Variants in BCAT1 observed in about 807,000 individuals in gnomAD.
BCAT1 encodes branched-chain-amino-acid aminotransferase, cytosolic.
Under a neutral mutation model 52.4 loss-of-function variants are expected in BCAT1, and 48 were observed. That is an observed-to-expected ratio of 0.92 (90% confidence interval 0.73 to 1.16). BCAT1 has a LOEUF of 1.16. Ranked by LOEUF, BCAT1 falls within the 50% of genes most tolerant of loss-of-function variation. BCAT1 has a pLI of 0.00. For missense variants in BCAT1, 451 were observed against 457.1 expected (o/e 0.99, Z 0.12); for synonymous variants, 167 against 161.3 (o/e 1.04, Z -0.27).
chr12:24,928,331 C>T (rs1943624953), intron 1 of BCAT1, among the ~76,000 whole-genome samples: 1 of 152,144 alleles, frequency 6.6e-6, no homozygotes, highest in African/African-American at 2.4e-5. Context: ...ACCTAACTCA[C>T]ACCAGTTGGC....
At position 24,857,612 on chromosome 12, in the gene BCAT1, T is replaced by C. The variant is rs187376021; in HGVS notation, c.511-7663A>G. ...TCTTGATGCCCACATTGAGAGGACCTAAGATCATTTCTAACAGCCTGGGCT... is the reference window on the plus strand; with the variant it reads ...TCTTGATGCCCACATTGAGAGGACCCAAGATCATTTCTAACAGCCTGGGCT... On this transcript the variant is annotated intron_variant, in intron 5 of 10. Coordinates refer to ENST00000261192, the MANE Select transcript of BCAT1 (RefSeq NM_005504.7). Among the ~76,000 whole-genome samples, 415 of 152,330 alleles carry C rather than the reference T, an allele frequency of 2.7e-3. 2 individuals are homozygous for C. Among genetic ancestry groups the C allele is most frequent in the African/African-American group, 9.6e-3 (401 of 41,572 alleles).
chr12:24,908,673 G>A (rs971988588), intron 1 of BCAT1, among the ~76,000 whole-genome samples: 6 of 152,182 alleles, frequency 3.9e-5, no homozygotes, highest in African/African-American at 1.2e-4. Context: ...CCCAGGAGGT[G>A]GAGGTTGCAG....
chr12:24,831,378 G>T (rs558410322), intron 9 of BCAT1, among the ~76,000 whole-genome samples: 10 of 152,288 alleles, frequency 6.6e-5, no homozygotes, highest in African/African-American at 1.9e-4. Flanking sequence ...GCCGGGCATG[G>T]TGACTCACGC....
chr12:24,893,255 C>T (rs764270467), intron 3 of BCAT1, among the ~76,000 whole-genome samples: 5 of 152,190 alleles, frequency 3.3e-5, no homozygotes, highest in Admixed American at 6.5e-5. Flanking sequence ...TTATTGCTAA[C>T]AACTGGGCTC....
intron 1 of BCAT1, among the ~76,000 whole-genome samples, chr12:24,947,755 A>G (rs1368078912): frequency 6.6e-6 from 1 of 152,260 alleles, no homozygotes; most frequent in Non-Finnish European, 1.5e-5. Flanking sequence ...AAGCTGGAAA[A>G]GCAAGACTGT....
intron 9 of BCAT1, 141 bp from the exon 10 acceptor site, chr12:24,830,038 G>A: frequency 1.9e-6 from 1 of 530,148 alleles, no homozygotes; most frequent in South Asian, 3.8e-5. Context: ...GACTCTGAGT[G>A]CTAGCACCTT....
At position 24,829,877 on chromosome 12, in the gene BCAT1, C is replaced by T; in HGVS notation, c.1065G>A (p.Met355Ile). The change falls in exon 10 of 11, where the codon ATG becomes ATA. Residue 355 changes from methionine (M) to isoleucine (I), a missense_variant. Transcript: ENST00000261192. Reference sequence around the variant, plus strand: ...GGCTTGCCAGCTTAGGACCATTCTCCATAGTTGGAATGTGTATTGTCTACA... The same window carrying T: ...GGCTTGCCAGCTTAGGACCATTCTCTATAGTTGGAATGTGTATTGTCTACA... ...YKGETIHIPT[M>I]ENGPKLASRI... The T allele has an allele frequency of 6.2e-7, 1 of 1,610,776 alleles. No individual in the cohort carries two copies. Among genetic ancestry groups the T allele is most frequent in the Non-Finnish European group, 8.5e-7 (1 of 1,178,068 alleles).
intron 5 of BCAT1, among the ~76,000 whole-genome samples, chr12:24,860,227 G>GA (rs1260166875): frequency 6.6e-6 from 1 of 151,116 alleles, no homozygotes; most frequent in Non-Finnish European, 1.5e-5. Context: ...AGATAGAGAG[G>GA]AAAAAAACTT....
At chr12:24,879,851 T>C (rs1401479149) in intron 4 of BCAT1, among the ~76,000 whole-genome samples, 1 of 152,238 alleles carries the variant, frequency 6.6e-6, no homozygotes, top group Non-Finnish European at 1.5e-5. Flanking sequence ...GCCTTACTGC[T>C]GTGATTACAC....
chr12:24,904,848 T>A (rs1330823945), intron 1 of BCAT1, among the ~76,000 whole-genome samples: 1 of 152,190 alleles, frequency 6.6e-6, no homozygotes, highest in Non-Finnish European at 1.5e-5. Flanking sequence ...GTGTTAATTG[T>A]GTTAGAAAGT....
intron 5 of BCAT1, among the ~76,000 whole-genome samples, chr12:24,868,268 A>G (rs1470350614): frequency 2.0e-5 from 3 of 152,210 alleles, no homozygotes; most frequent in Non-Finnish European, 2.9e-5. Flanking sequence ...GTAATTTATG[A>G]CATTCTATAT....
At chr12:24,861,976 T>C (rs768872174) in intron 5 of BCAT1, among the ~76,000 whole-genome samples, 113 of 152,250 alleles carry the variant, frequency 7.4e-4, no homozygotes, top group Non-Finnish European at 1.3e-3. Context: ...GCCATGGCAG[T>C]TTACAAATGC....
intron 1 of BCAT1, among the ~76,000 whole-genome samples, chr12:24,941,414 CCT>C (rs1943846821): frequency 6.6e-6 from 1 of 152,182 alleles, no homozygotes; most frequent in Non-Finnish European, 1.5e-5. Flanking sequence ...TTTTTATAAT[CCT>C]CTGTCTTTTG....
chr12:24,942,626 G>C (rs1943866548), intron 1 of BCAT1, among the ~76,000 whole-genome samples: 1 of 151,986 alleles, frequency 6.6e-6, no homozygotes. Context: ...GGAGTCACCT[G>C]CAAAGAACAT....
At chr12:24,921,086 T>TA (rs1367831249) in intron 1 of BCAT1, among the ~76,000 whole-genome samples, 1 of 151,886 alleles carries the variant, frequency 6.6e-6, no homozygotes, top group Non-Finnish European at 1.5e-5. Flanking sequence ...CACGGGAAGG[T>TA]AAAAAACACT....
chr12:24,862,836 C>T (rs10842420), intron 5 of BCAT1, among the ~76,000 whole-genome samples: 1 of 151,420 alleles, frequency 6.6e-6, no homozygotes, highest in East Asian at 1.9e-4. Flanking sequence ...AAAAAAAAAT[C>T]TGATGCTAGT....
intron 4 of BCAT1, among the ~76,000 whole-genome samples, chr12:24,880,356 C>T (rs1942457044): frequency 6.6e-6 from 1 of 152,188 alleles, no homozygotes; most frequent in African/African-American, 2.4e-5. Context: ...ACTAAGGAGG[C>T]TGAGGCACAA....
intron 1 of BCAT1, among the ~76,000 whole-genome samples, chr12:24,920,139 A>G (rs761002097): frequency 1.8e-4 from 27 of 152,250 alleles, no homozygotes; most frequent in Non-Finnish European, 3.7e-4. Flanking sequence ...TATGAGAACT[A>G]AATGAGATAA....
At chr12:24,882,953 CAA>C (rs1443866153) in intron 3 of BCAT1, among the ~76,000 whole-genome samples, 1 of 151,986 alleles carries the variant, frequency 6.6e-6, no homozygotes, top group African/African-American at 2.4e-5. Context: ...ATTTATAAAA[CAA>C]AAGAATTTAA....
Sources: gnomAD v4.1 joint callset for allele counts (sites outside exome capture counted in the v4.1 genomes callset) on GRCh38, gnomAD v4.1.1 for gene constraint, MANE v1.5 for transcripts, NCBI Gene and HGNC (gene_info 2026-07-23, HGNC 2026-07-21) for gene names.